Variants in AKR1C2 observed in about 807,000 individuals in gnomAD.
The protein encoded by AKR1C2 is aldo-keto reductase family 1 member C2, also known as 3-alpha-HSD3.
Under a neutral mutation model 39.8 loss-of-function variants are expected in AKR1C2, and 27 were observed. The ratio of observed to expected loss-of-function variants is 0.68; its 90% CI spans 0.50 to 0.93. The LOEUF (loss-of-function observed/expected upper bound fraction) is 0.93. AKR1C2 is among the 40% of genes least tolerant of loss of function. AKR1C2 has a pLI of 0.00. For synonymous variants in AKR1C2, 114 were observed against 137.9 expected (o/e 0.83, Z 1.22); for missense variants, 263 against 365.1 (o/e 0.72, Z 2.28).
chr10:4,994,578 G>A (rs1836965538), intron 7 of AKR1C2, among the ~76,000 whole-genome samples: 1 of 152,114 alleles, frequency 6.6e-6, no homozygotes, highest in African/African-American at 2.4e-5. Flanking sequence ...GCCCTGTGCT[G>A]AGGTGAACCC....
intron 1 of AKR1C2, 103 bp from the exon 2 acceptor site, chr10:5,001,784 G>C: frequency 1.4e-6 from 2 of 1,455,872 alleles, no homozygotes; most frequent in Non-Finnish European, 1.9e-6. Flanking sequence ...CTCCTTTCTT[G>C]GATGAGCTCT....
rs1357266848 is a variant in AKR1C2 at position 4,989,326 on chromosome 10, A to C, written c.*670T>G. On this transcript the variant is annotated 3_prime_UTR_variant, in exon 9 of 9. Coordinates refer to ENST00000380753, the MANE Select transcript of AKR1C2 (RefSeq NM_001393392.1). ...TATGAACAAGATATAATGATCAAAA[A>C]AAAGGGTGTTGATATGTTTTTCCAA... is the stretch of plus-strand genomic sequence containing the variant. 5 of 152,138 alleles carry C rather than the reference A, an allele frequency of 3.3e-5. No individual in the cohort carries two copies. Among genetic ancestry groups the C allele is most frequent in the African/African-American group, 1.2e-4 (5 of 41,396 alleles). 9.4% of individuals were successfully genotyped at this position (152,138 alleles called of 1,614,324 possible). A position where few individuals can be genotyped will look rare whatever the true frequency, so the allele number is the denominator to read the frequency against.
At chr10:4,993,064 CA>C (rs1481085476) in intron 7 of AKR1C2, among the ~76,000 whole-genome samples, 1 of 152,112 alleles carries the variant, frequency 6.6e-6, no homozygotes, top group East Asian at 1.9e-4. Flanking sequence ...CTGGAAATCT[CA>C]ATATTGTCAA....
intron 5 of AKR1C2, 98 bp downstream of exon 5, chr10:4,998,527 T>G: frequency 6.4e-7 from 1 of 1,553,174 alleles, no homozygotes. Context: ...AATCTTCTCT[T>G]TTACAAAGAT....
At chr10:4,999,473 A>G in intron 3 of AKR1C2, 196 bp from the exon 4 acceptor site, 1 of 1,159,844 alleles carries the variant, frequency 8.6e-7, no homozygotes, top group Non-Finnish European at 1.2e-6. Context: ...CTAATCTCTT[A>G]CACCTATTAT....
intron 2 of AKR1C2, 152 bp from the exon 3 acceptor site, chr10:5,000,818 G>T (rs1294258599): frequency 1.5e-5 from 10 of 660,500 alleles, no homozygotes; most frequent in Non-Finnish European, 2.4e-5. Flanking sequence ...CTTTTGTTCT[G>T]CCATATCATG....
chr10:5,009,060 A>G (rs1186481809), intron 1 of AKR1C2, among the ~76,000 whole-genome samples: 1 of 152,148 alleles, frequency 6.6e-6, no homozygotes, highest in East Asian at 1.9e-4. Flanking sequence ...GTGCAGGAGG[A>G]AAAAGGAAGA....
intron 7 of AKR1C2, among the ~76,000 whole-genome samples, chr10:4,992,476 G>T (rs1836873335): frequency 6.6e-6 from 1 of 152,032 alleles, no homozygotes; most frequent in Non-Finnish European, 1.5e-5. Flanking sequence ...TCAAATAAGT[G>T]TATAAATCCA....
intron 1 of AKR1C2, among the ~76,000 whole-genome samples, chr10:5,011,039 CAAA>C (rs35486838): frequency 1.4e-5 from 2 of 140,512 alleles, no homozygotes; most frequent in Non-Finnish European, 1.6e-5. Flanking sequence ...TTCTGTAAAG[CAAA>C]AAAAAAAAAA....
intron 1 of AKR1C2, among the ~76,000 whole-genome samples, chr10:5,014,363 G>C (rs1202651588): frequency 2.0e-5 from 3 of 152,152 alleles, no homozygotes; most frequent in African/African-American, 4.8e-5. Flanking sequence ...AGGTCTCACT[G>C]TTGTGTTATC....
upstream of AKR1C2, among the ~76,000 whole-genome samples, chr10:5,008,272 T>A (rs1291146383): frequency 8.2e-6 from 1 of 121,904 alleles, no homozygotes; most frequent in South Asian, 2.7e-4. Context: ...CTCCAGACCC[T>A]GAGCAGGTTT....
At chr10:5,012,229 A>C (rs1837538860) in intron 1 of AKR1C2, among the ~76,000 whole-genome samples, 1 of 151,834 alleles carries the variant, frequency 6.6e-6, no homozygotes, top group African/African-American at 2.4e-5. Context: ...AGGCTAGAAA[A>C]TTAAGGCTTA....
At chr10:5,000,421 G>C in intron 3 of AKR1C2, 129 bp downstream of exon 3, 1 of 1,583,526 alleles carries the variant, frequency 6.3e-7, no homozygotes, top group Admixed American at 1.9e-5. Context: ...TAGGAGTTAT[G>C]TTTAGGGCTC....
At position 5,003,803 on chromosome 10, in the gene AKR1C2, A is replaced by G. The variant is rs1837342754; in HGVS notation, c.33T>C (p.Asn11=). Residue 11 remains asparagine, a synonymous_variant, in exon 1 of 9, where the codon AAT becomes AAC. Transcript: ENST00000380753. ...CCAGGACAGGCATGAAGTGACCATCATTCAGCTTCACACACTGGTATTTCG... is the reference window on the plus strand; with the variant it reads ...CCAGGACAGGCATGAAGTGACCATCGTTCAGCTTCACACACTGGTATTTCG... MDSKYQCVKL[N]DGHFMPVLGF... The G allele has an allele frequency of 6.2e-7, 1 of 1,614,112 alleles. No individual in the cohort carries two copies.
At chr10:5,010,721 C>G (rs1344546293) in intron 1 of AKR1C2, 1 of 152,176 alleles carries the variant, frequency 6.6e-6, no homozygotes, top group African/African-American at 2.4e-5. Context: ...TAGCAAAATT[C>G]ATGTTGATGA....
chr10:4,991,863 T>C lies in AKR1C2; in HGVS notation c.897A>G (p.Leu299=), dbSNP rs1335078603. 5.6e-6 allele frequency: 3 copies of C among 536,914 alleles called. No individual in the cohort carries two copies. In the Admixed American group the frequency reaches 1.1e-4, roughly 21 times the overall value. The allele number at this position is 536,914 out of a possible 1,614,324, so 33.3% of individuals were successfully genotyped here. ...GGGTCAAATATCGCACATTTCTGTT[T>C]AGGCCATCTATGGCTTTCATCTCCT... ...TSEEMKAIDG[L]NRNVRYLTLD... is the part of the protein sequence containing the mutation. Residue 299 remains leucine (L), a synonymous_variant, in exon 8 of 9, where the codon CTA becomes CTG. Coordinates refer to ENST00000380753, the MANE Select transcript of AKR1C2 (RefSeq NM_001393392.1).
chr10:4,991,800 A>G (rs1836854948), intron 8 of AKR1C2, 31 bp downstream of exon 8: 1 of 464,824 alleles, frequency 2.2e-6, no homozygotes, highest in Non-Finnish European at 3.8e-6. Context: ...TCTGAAAATA[A>G]ATTAGGACAA....
Position 4,988,671 on chromosome 10 carries a change from G to T in AKR1C2, c.*1325C>A, listed in dbSNP as rs1169532507. 1 of 152,074 alleles carries T rather than the reference G, an allele frequency of 6.6e-6. No homozygotes were observed. Among genetic ancestry groups the T allele is most frequent in the Non-Finnish European group, 1.5e-5 (1 of 68,032 alleles). 9.4% of individuals were successfully genotyped at this position (152,074 alleles called of 1,614,324 possible). A position where few individuals can be genotyped will look rare whatever the true frequency, so the allele number is the denominator to read the frequency against. On this transcript the variant is annotated 3_prime_UTR_variant, in exon 9 of 9. Transcript: ENST00000380753. ...AGGAATCTCTGATGGGGTTAACATG[G>T]CTACCAGAGTACGAATAGTGGAGAG...
chr10:5,015,539 C>T (rs1837619443), intron 1 of AKR1C2, among the ~76,000 whole-genome samples: 2 of 152,144 alleles, frequency 1.3e-5, no homozygotes, highest in Non-Finnish European at 2.9e-5. Context: ...CAATTACATC[C>T]ACTTTCCTAA....
Sources: gnomAD v4.1 joint callset for allele counts (sites outside exome capture counted in the v4.1 genomes callset) on GRCh38, gnomAD v4.1.1 for gene constraint, MANE v1.5 for transcripts, NCBI Gene and HGNC (gene_info 2026-07-23, HGNC 2026-07-21) for gene names.